Variants in STX18 observed in about 807,000 individuals in gnomAD.
STX18 encodes syntaxin 18.
STX18 carries 40 observed loss-of-function variants against 50.1 expected under a neutral mutation model. That is an observed-to-expected ratio of 0.80 (90% CI 0.62 to 1.04). The LOEUF is 1.04. Ranked by LOEUF, STX18 falls within the 50% of genes least tolerant of loss-of-function variation. The pLI, the probability that STX18 is intolerant of heterozygous loss-of-function variation, is 0.00. For missense variants in STX18, 410 were observed against 415.8 expected (o/e 0.99, Z 0.12); for synonymous variants, 158 against 151.8 (o/e 1.04, Z -0.30).
At chr4:4,507,786 A>G (rs550510104) in intron 1 of STX18, 1 of 1,066,598 alleles carries the variant, frequency 9.4e-7, no homozygotes, top group Non-Finnish European at 1.4e-6. Context: ...AATTGTAAAC[A>G]AAAATGACTA....
intron 7 of STX18, 81 bp from the exon 8 acceptor site, chr4:4,425,303 A>G (rs1725190345): frequency 1.5e-6 from 2 of 1,291,698 alleles, no homozygotes; most frequent in Admixed American, 1.7e-5. Flanking sequence ...CCTACGCTCC[A>G]GGAATCACTG....
At chr4:4,532,143 G>C in intron 1 of STX18, among the ~76,000 whole-genome samples, 1 of 152,200 alleles carries the variant, frequency 6.6e-6, no homozygotes, top group Non-Finnish European at 1.5e-5. Flanking sequence ...AGGAAGAGGG[G>C]AGGGCATATG....
chr4:4,531,176 C>CACACACACACA, intron 1 of STX18, among the ~76,000 whole-genome samples: 3 of 151,842 alleles, frequency 2.0e-5, no homozygotes, highest in South Asian at 2.1e-4. Flanking sequence ...CACACACACA[C>CACACACACACA]CCTGGACTAA....
intron 1 of STX18, among the ~76,000 whole-genome samples, chr4:4,518,527 T>C (rs1730380064): frequency 6.6e-6 from 1 of 152,214 alleles, no homozygotes; most frequent in Admixed American, 6.5e-5. Context: ...TATTTGTGAA[T>C]TTAAATGTGA....
intron 2 of STX18, among the ~76,000 whole-genome samples, chr4:4,467,260 G>A (rs928843304): frequency 1.6e-4 from 25 of 152,128 alleles, no homozygotes; most frequent in Admixed American, 7.2e-4. Context: ...CAAGAAGGGC[G>A]TTTGTTTCCA....
intron 1 of STX18, among the ~76,000 whole-genome samples, chr4:4,506,120 T>A (rs926615485): frequency 1.6e-4 from 25 of 152,234 alleles, no homozygotes. Context: ...GATGCCGCTA[T>A]GAACATTTGT....
chr4:4,482,645 G>T (rs551323395), intron 1 of STX18, among the ~76,000 whole-genome samples: 2 of 152,332 alleles, frequency 1.3e-5, no homozygotes, highest in South Asian at 4.1e-4. Context: ...CCAGACCACA[G>T]AGCCTTTCCT....
chr4:4,531,716 C>T (rs1462626984), intron 1 of STX18, among the ~76,000 whole-genome samples: 1 of 152,160 alleles, frequency 6.6e-6, no homozygotes, highest in East Asian at 1.9e-4. Context: ...AGTAGACTGC[C>T]TCTAATTACA....
chr4:4,481,157 C>T (rs1422417682), intron 1 of STX18, among the ~76,000 whole-genome samples: 1 of 152,164 alleles, frequency 6.6e-6, no homozygotes, highest in Non-Finnish European at 1.5e-5. Context: ...AACCCTGGTA[C>T]AAAATGATGG....
chr4:4,474,514 A>T (rs1033652998), intron 1 of STX18, among the ~76,000 whole-genome samples: 2 of 152,200 alleles, frequency 1.3e-5, no homozygotes, highest in African/African-American at 4.8e-5. Flanking sequence ...ACCTGTGACT[A>T]TATGGTGTTA....
At chr4:4,431,322 C>T (rs748234383) in intron 7 of STX18, among the ~76,000 whole-genome samples, 12 of 152,154 alleles carry the variant, frequency 7.9e-5, no homozygotes, top group Admixed American at 2.0e-4. Context: ...TTTGGGGAAA[C>T]GACTCATTTC....
At chr4:4,523,304 A>ACT (rs1374875959) in intron 1 of STX18, among the ~76,000 whole-genome samples, 5 of 152,092 alleles carry the variant, frequency 3.3e-5, no homozygotes, top group Non-Finnish European at 7.4e-5. Flanking sequence ...TTTCCCAGGG[A>ACT]CTACTCTGAG....
chr4:4,522,216 A>G (rs1034587096), intron 1 of STX18, among the ~76,000 whole-genome samples: 1 of 152,196 alleles, frequency 6.6e-6, no homozygotes, highest in African/African-American at 2.4e-5. Context: ...ATAAATATAA[A>G]AGTAATCCAC....
chr4:4,441,280 A>G (rs1726089686), intron 5 of STX18, among the ~76,000 whole-genome samples: 1 of 152,240 alleles, frequency 6.6e-6, no homozygotes, highest in East Asian at 1.9e-4. Context: ...ATGGAGCAGT[A>G]ACATCACTTT....
chr4:4,523,124 T>G (rs1239460364), intron 1 of STX18, among the ~76,000 whole-genome samples: 1 of 152,202 alleles, frequency 6.6e-6, no homozygotes, highest in African/African-American at 2.4e-5. Flanking sequence ...CAGGAGGTGG[T>G]AGAGCCCAGA....
rs577045268 is a variant in STX18 at position 4,459,534 on chromosome 4, A to G, written c.237-47T>C. On this transcript the variant is annotated intron_variant, in intron 2 of 10. Coordinates refer to ENST00000306200, the MANE Select transcript of STX18 (RefSeq NM_016930.4). ...AAGGGCAGCAGCAAATGAGAACATA[A>G]TATAGTCTGAGTGGGATGGGAAGAG... 2.2e-6 allele frequency: 3 copies of G among 1,368,284 alleles called. No individual in the cohort carries two copies. In the Admixed American group the frequency reaches 5.0e-5, roughly 23 times the overall value. 84.8% of individuals were successfully genotyped at this position (1,368,284 alleles called of 1,614,324 possible). A position where few individuals can be genotyped will look rare whatever the true frequency, so the allele number is the denominator to read the frequency against.
intron 1 of STX18, among the ~76,000 whole-genome samples, chr4:4,489,620 G>A (rs1728857324): frequency 6.6e-6 from 1 of 151,546 alleles, no homozygotes; most frequent in Non-Finnish European, 1.5e-5. Context: ...TAAATGAAAA[G>A]GTAAAACTTA....
intron 5 of STX18, among the ~76,000 whole-genome samples, chr4:4,447,388 G>T (rs1307185669): frequency 6.6e-6 from 1 of 151,652 alleles, no homozygotes; most frequent in East Asian, 1.9e-4. Flanking sequence ...AGGAGATCGA[G>T]ACCATCCTGG....
Position 4,445,821 on chromosome 4 carries a change from G to A in STX18, c.498-7312C>T, listed in dbSNP as rs546578369. Among the ~76,000 whole-genome samples, 9 of 152,204 alleles carry A rather than the reference G, an allele frequency of 5.9e-5. No homozygotes were observed. The East Asian group carries it at 9.7e-4, about 16-fold the overall frequency. On this transcript the variant is annotated intron_variant, in intron 5 of 10. Transcript: ENST00000306200. ...TTCTAGCAGATTTTCTGAAGAAACCGAAAAGCTGATTCTAAAATTGATATG... is the reference window on the plus strand; with the variant it reads ...TTCTAGCAGATTTTCTGAAGAAACCAAAAAGCTGATTCTAAAATTGATATG...
Sources: allele counts gnomAD v4.1 joint callset (sites outside exome capture counted in the v4.1 genomes callset), GRCh38; gene constraint gnomAD v4.1.1; transcripts MANE v1.5; gene names NCBI Gene and HGNC (gene_info 2026-07-23, HGNC 2026-07-21).